The following SGCD variants were observed in gnomAD, a reference collection of about 807,000 sequenced individuals.
SGCD encodes the protein delta-sarcoglycan.
Under a neutral mutation model 36.6 loss-of-function variants are expected in SGCD, and 18 were observed. The ratio of observed to expected loss-of-function variants is 0.49; its 90% confidence interval spans 0.34 to 0.73. The LOEUF (loss-of-function observed/expected upper bound fraction) is 0.73, where lower values mean the gene tolerates loss of function less well. Among genes scored for constraint, SGCD ranks in the 30% least tolerant of loss-of-function variants. The pLI, the probability that SGCD is intolerant of heterozygous loss-of-function variation, is 0.01. For missense variants in SGCD, 387 were observed against 346.7 expected (o/e 1.12, Z -0.92); for synonymous variants, 133 against 130.6 (o/e 1.02, Z -0.12).
At chr5:156,180,195 A>G (rs916751414) in intron 3 of SGCD, among the ~76,000 whole-genome samples, 1 of 152,214 alleles carries the variant, frequency 6.6e-6, no homozygotes, top group African/African-American at 2.4e-5. Context: ...AAAAACTGCA[A>G]TAGCATTTCC....
Position 156,442,784 on chromosome 5 carries a change from T to C in SGCD, c.193-65817T>C, listed in dbSNP as rs1376796959. Reference sequence around the variant, plus strand: ...CTTGTATCAGGTACCATGGAATGTATTCAGGATTATGATAGAAAATAACAC... The same window carrying C: ...CTTGTATCAGGTACCATGGAATGTACTCAGGATTATGATAGAAAATAACAC... On this transcript the variant is annotated intron_variant, in intron 3 of 8. Transcript: ENST00000337851. Among the ~76,000 whole-genome samples the C allele has an allele frequency of 2.0e-5, 3 of 152,232 alleles. No individual in the cohort carries two copies. The South Asian group carries it at 6.2e-4, about 31-fold the overall frequency.
chr5:156,698,718 C>A (rs921134691), intron 7 of SGCD, among the ~76,000 whole-genome samples: 3 of 152,160 alleles, frequency 2.0e-5, no homozygotes, highest in Non-Finnish European at 4.4e-5. Flanking sequence ...AGTCCTGGTT[C>A]TGCTCCTAAC....
intron 1 of SGCD, among the ~76,000 whole-genome samples, chr5:156,107,161 CA>C (rs1761668866): frequency 6.6e-6 from 1 of 152,054 alleles, no homozygotes; most frequent in Non-Finnish European, 1.5e-5. Flanking sequence ...TGTCTGCTAC[CA>C]ATTCTTAAAA....
intron 1 of SGCD, among the ~76,000 whole-genome samples, chr5:156,086,168 A>G (rs760101483): frequency 5.9e-5 from 9 of 152,268 alleles, no homozygotes; most frequent in Non-Finnish European, 8.8e-5. Context: ...ATTTGAAATA[A>G]CATTGTCTTA....
intron 3 of SGCD, among the ~76,000 whole-genome samples, chr5:156,375,956 CATTTT>C (rs1319567811): frequency 2.0e-5 from 3 of 151,946 alleles, no homozygotes; most frequent in Non-Finnish European, 2.9e-5. Context: ...AAATGACTGA[CATTTT>C]ATGACAAAAA....
At chr5:156,411,714 A>G (rs531843587) in intron 3 of SGCD, among the ~76,000 whole-genome samples, 1 of 152,236 alleles carries the variant, frequency 6.6e-6, no homozygotes, top group Non-Finnish European at 1.5e-5. Flanking sequence ...TCATAGTATT[A>G]TTCTTCTGAC....
intron 3 of SGCD, among the ~76,000 whole-genome samples, chr5:156,354,876 CTG>C (rs1184215714): frequency 6.6e-6 from 1 of 152,186 alleles, no homozygotes; most frequent in Non-Finnish European, 1.5e-5. Flanking sequence ...GTGATTCAAA[CTG>C]TAGAAAGAAC....
chr5:156,549,413 T>C (rs1457545874), intron 4 of SGCD, among the ~76,000 whole-genome samples: 2 of 152,238 alleles, frequency 1.3e-5, no homozygotes, highest in Non-Finnish European at 2.9e-5. Flanking sequence ...CAAATATCCA[T>C]GTCTTCCATC....
intron 1 of SGCD, among the ~76,000 whole-genome samples, chr5:156,070,343 G>C (rs58659977): frequency 0.14 from 21,782 of 151,896 alleles, 1,815 homozygotes; most frequent in Non-Finnish European, 0.19. Flanking sequence ...AGCATGAAGC[G>C]TTGTTGAATT....
At chr5:156,595,168 A>G (rs1038986986) in intron 6 of SGCD, 117 bp downstream of exon 6, 1 of 1,216,834 alleles carries the variant, frequency 8.2e-7, no homozygotes, top group African/African-American at 1.5e-5. Flanking sequence ...CGAAATCCTA[A>G]CTCCCAAGAT....
At chr5:156,229,273 C>CATATATATAT (rs1383896091) in intron 3 of SGCD, among the ~76,000 whole-genome samples, 6 of 8,584 alleles carry the variant, frequency 7.0e-4, no homozygotes, top group Admixed American at 1.9e-3. Flanking sequence ...TATATATATA[C>CATATATATAT]ATACATATAT....
chr5:156,126,179 C>T (rs994149946), intron 3 of SGCD, among the ~76,000 whole-genome samples: 6 of 152,224 alleles, frequency 3.9e-5, no homozygotes, highest in Middle Eastern at 6.8e-3. Flanking sequence ...CCATGCCCGG[C>T]CTTTCCACAT....
chr5:156,245,679 G>T (rs899680012), intron 3 of SGCD, among the ~76,000 whole-genome samples: 4 of 151,970 alleles, frequency 2.6e-5, no homozygotes, highest in African/African-American at 9.7e-5. Context: ...AAATACAGGG[G>T]ATAAATGAGC....
chr5:155,876,288 C>T (rs4526088), intron 1 of SGCD, among the ~76,000 whole-genome samples: 6,878 of 145,288 alleles, frequency 0.047, 423 homozygotes, highest in African/African-American at 0.14. Context: ...TTGAAGCTTA[C>T]GTAGATAAGA....
chr5:156,136,178 A>T (rs1245316581), intron 3 of SGCD, among the ~76,000 whole-genome samples: 1 of 152,168 alleles, frequency 6.6e-6, no homozygotes, highest in Admixed American at 6.5e-5. Flanking sequence ...AGTGGTGCAG[A>T]TGCAGCTCAC....
At chr5:155,763,383 A>T in the SGCD span, among the ~76,000 whole-genome samples, 1 of 152,164 alleles carries the variant, frequency 6.6e-6, no homozygotes. Context: ...ATATTATAAC[A>T]GTAATGGAAA....
At chr5:156,026,851 A>G (rs1759235247) in intron 1 of SGCD, among the ~76,000 whole-genome samples, 1 of 152,184 alleles carries the variant, frequency 6.6e-6, no homozygotes, top group Non-Finnish European at 1.5e-5. Context: ...GCCAAATAGT[A>G]AATATCTATT....
At chr5:156,492,759 T>G (rs1307943601) in intron 3 of SGCD, among the ~76,000 whole-genome samples, 16 of 152,122 alleles carry the variant, frequency 1.1e-4, no homozygotes, top group Admixed American at 1.0e-3. Flanking sequence ...TTCCCCTCCC[T>G]GTGTCCATGT....
intron 7 of SGCD, among the ~76,000 whole-genome samples, chr5:156,692,481 C>A (rs1393762391): frequency 6.6e-6 from 1 of 152,100 alleles, no homozygotes; most frequent in Non-Finnish European, 1.5e-5. Flanking sequence ...TATTTTTAAC[C>A]TTTTATTATA....
Sources: gnomAD v4.1 joint callset for allele counts (sites outside exome capture counted in the v4.1 genomes callset) on GRCh38, gnomAD v4.1.1 for gene constraint, MANE v1.5 for transcripts, NCBI Gene and HGNC (gene_info 2026-07-23, HGNC 2026-07-21) for gene names.